CREB5: variants seen among roughly 807,000 people sequenced by gnomAD.
The protein encoded by CREB5 is cAMP responsive element binding protein 5.
In CREB5, 19 loss-of-function variants were observed where a neutral mutation model predicts 57.1. The ratio of observed to expected loss-of-function variants is 0.33; its 90% CI spans 0.23 to 0.49. The LOEUF is 0.49. Ranked by LOEUF, CREB5 falls within the 20% of genes least tolerant of loss-of-function variation. The pLI, the probability that CREB5 is intolerant of heterozygous loss-of-function variation, is 0.99. For synonymous variants in CREB5, 238 were observed against 238.3 expected (o/e 1.00, Z 0.01); for missense variants, 579 against 671.6 (o/e 0.86, Z 1.52).
intron 1 of CREB5, among the ~76,000 whole-genome samples, chr7:28,329,252 C>A (rs1785668662): frequency 1.3e-5 from 2 of 152,328 alleles, no homozygotes; most frequent in African/African-American, 4.8e-5. Context: ...GCTGAAATCA[C>A]TGGGGTTCCC....
chr7:28,361,026 G>C (rs2127992124), intron 1 of CREB5, among the ~76,000 whole-genome samples: 1 of 151,692 alleles, frequency 6.6e-6, no homozygotes. Context: ...GTAATGCACA[G>C]AACAGCCCTC....
At chr7:28,572,897 T>C (rs1795758864) in intron 5 of CREB5, among the ~76,000 whole-genome samples, 1 of 152,218 alleles carries the variant, frequency 6.6e-6, no homozygotes, top group Non-Finnish European at 1.5e-5. Context: ...TGTGTGTCGC[T>C]CCTGGTGTGT....
At chr7:28,492,826 T>G (rs1337900293) in intron 2 of CREB5, among the ~76,000 whole-genome samples, 1 of 151,418 alleles carries the variant, frequency 6.6e-6, no homozygotes, top group Non-Finnish European at 1.5e-5. Flanking sequence ...TTATAATTAG[T>G]TGTTTGACGG....
chr7:28,324,828 T>C (rs1785554904), intron 1 of CREB5, among the ~76,000 whole-genome samples: 3 of 152,236 alleles, frequency 2.0e-5, no homozygotes, highest in Admixed American at 6.5e-5. Context: ...GTTGATACTT[T>C]CTTTCCCTCC....
intron 1 of CREB5, among the ~76,000 whole-genome samples, chr7:28,445,002 G>A (rs1789370823): frequency 6.6e-6 from 1 of 152,190 alleles, no homozygotes; most frequent in Non-Finnish European, 1.5e-5. Context: ...TGTGGTGGGA[G>A]GGAGCTGGTA....
intron 5 of CREB5, among the ~76,000 whole-genome samples, chr7:28,668,165 T>A (rs1799898281): frequency 6.6e-6 from 1 of 152,192 alleles, no homozygotes; most frequent in South Asian, 2.1e-4. Flanking sequence ...GGAAAGAAAC[T>A]TCATGAAGTT....
intron 8 of CREB5, among the ~76,000 whole-genome samples, chr7:28,808,624 A>G (rs1027238104): frequency 1.4e-4 from 21 of 151,624 alleles, no homozygotes; most frequent in African/African-American, 5.1e-4. Flanking sequence ...TGGCAACCTC[A>G]ACCTCCTGGG....
At chr7:28,467,067 C>A (rs1790611541) in intron 1 of CREB5, among the ~76,000 whole-genome samples, 1 of 152,170 alleles carries the variant, frequency 6.6e-6, no homozygotes, top group Non-Finnish European at 1.5e-5. Flanking sequence ...GGGAGAGGGG[C>A]TGCCTGTCAA....
At chr7:28,446,549 T>C (rs10234370) in intron 1 of CREB5, among the ~76,000 whole-genome samples, 64,605 of 151,904 alleles carry the variant, frequency 0.43, 14,190 homozygotes, top group East Asian at 0.59. Context: ...TCCCAGCACT[T>C]TGAGAGGCTG....
At chr7:28,529,016 C>G (rs115898662) in intron 4 of CREB5, among the ~76,000 whole-genome samples, 3,016 of 152,246 alleles carry the variant, frequency 0.02, 103 homozygotes, top group African/African-American at 0.069. Context: ...ACACACCAGT[C>G]CTTCTGAGGC....
intron 5 of CREB5, among the ~76,000 whole-genome samples, chr7:28,693,067 A>C (rs1449348064): frequency 6.6e-6 from 1 of 152,232 alleles, no homozygotes; most frequent in Non-Finnish European, 1.5e-5. Context: ...ACAATAGCCA[A>C]GACCCATCTA....
chr7:28,322,052 A>T (rs1472745526), intron 1 of CREB5, among the ~76,000 whole-genome samples: 3 of 152,228 alleles, frequency 2.0e-5, no homozygotes, highest in African/African-American at 7.2e-5. Context: ...AAACTTAGGG[A>T]GAAAAATGCA....
chr7:28,692,078 T>C (rs1801299430), intron 5 of CREB5, among the ~76,000 whole-genome samples: 1 of 151,130 alleles, frequency 6.6e-6, no homozygotes, highest in South Asian at 2.1e-4. Context: ...CCCAGCTACT[T>C]AGGAGGCTGA....
intron 5 of CREB5, among the ~76,000 whole-genome samples, chr7:28,573,488 G>T (rs749716956): frequency 1.3e-5 from 2 of 152,218 alleles, no homozygotes; most frequent in African/African-American, 4.8e-5. Flanking sequence ...CTGTGCCCAC[G>T]CATAGTGCTC....
chr7:28,346,868 G>A (rs1315677013), intron 1 of CREB5, among the ~76,000 whole-genome samples: 1 of 151,136 alleles, frequency 6.6e-6, no homozygotes, highest in Non-Finnish European at 1.5e-5. Context: ...GTGCCAAATG[G>A]TCATGAATAG....
intron 5 of CREB5, among the ~76,000 whole-genome samples, chr7:28,699,557 GA>G (rs1402540676): frequency 6.6e-6 from 1 of 152,130 alleles, no homozygotes; most frequent in Non-Finnish European, 1.5e-5. Flanking sequence ...TACTTCCAGG[GA>G]AGATAGTGCA....
chr7:28,347,663 G>T (rs1209207010), intron 1 of CREB5, among the ~76,000 whole-genome samples: 1 of 152,064 alleles, frequency 6.6e-6, no homozygotes, highest in African/African-American at 2.4e-5. Flanking sequence ...GGTTTCAATA[G>T]CTTGAAATTT....
chr7:28,810,504 C>A (rs1482151947), intron 9 of CREB5, among the ~76,000 whole-genome samples: 1 of 151,958 alleles, frequency 6.6e-6, no homozygotes, highest in Non-Finnish European at 1.5e-5. Context: ...ACCAGCCTGG[C>A]CAAGGTGCAG....
At chr7:28,345,463 G>C (rs1786039616) in intron 1 of CREB5, among the ~76,000 whole-genome samples, 1 of 152,130 alleles carries the variant, frequency 6.6e-6, no homozygotes, top group African/African-American at 2.4e-5. Context: ...TGTATAACAG[G>C]GTTTGTTGTG....
Sources: allele counts gnomAD v4.1 joint callset (sites outside exome capture counted in the v4.1 genomes callset), GRCh38; gene constraint gnomAD v4.1.1; transcripts MANE v1.5; gene names NCBI Gene and HGNC (gene_info 2026-07-23, HGNC 2026-07-21).